OPRM1: variants seen among roughly 807,000 people sequenced by gnomAD.
OPRM1 encodes mu-type opioid receptor.
In OPRM1, 27 loss-of-function variants were observed where a neutral mutation model predicts 31.8. That is an observed-to-expected ratio of 0.85 (90% confidence interval 0.63 to 1.17). The LOEUF (loss-of-function observed/expected upper bound fraction) is 1.17, where lower values mean the gene tolerates loss of function less well. Ranked by LOEUF, OPRM1 falls within the 50% of genes most tolerant of loss-of-function variation. The pLI, the probability that OPRM1 is intolerant of heterozygous loss-of-function variation, is 0.00. For missense variants in OPRM1, 536 were observed against 511.1 expected (o/e 1.05, Z -0.47); for synonymous variants, 196 against 189.9 (o/e 1.03, Z -0.26).
chr6:154,028,604 T>C (rs924128446), intron 1 of OPRM1, among the ~76,000 whole-genome samples: 1 of 152,146 alleles, frequency 6.6e-6, no homozygotes, highest in Non-Finnish European at 1.5e-5. Flanking sequence ...TAGCCCACAG[T>C]GGTGAGGCTT....
chr6:154,116,754 C>G (rs964501635), intron 3 of OPRM1, among the ~76,000 whole-genome samples: 14 of 152,078 alleles, frequency 9.2e-5, no homozygotes, highest in African/African-American at 3.4e-4. Context: ...CATGAGACAG[C>G]CTTGGTTCTG....
chr6:154,015,240 T>C (rs577229585), intron 1 of OPRM1, among the ~76,000 whole-genome samples: 67 of 152,098 alleles, frequency 4.4e-4, no homozygotes, highest in Admixed American at 8.5e-4. Context: ...GTCTTATTTG[T>C]TATTAAAATC....
intron 3 of OPRM1, chr6:154,107,413 G>A (rs186430750): frequency 2.2e-5 from 16 of 715,996 alleles, no homozygotes; most frequent in African/African-American, 8.8e-5. Flanking sequence ...CAGAGGAGAA[G>A]AGAATAGACG....
chr6:154,094,369 T>C (rs1792980139), intron 3 of OPRM1: 1 of 486,294 alleles, frequency 2.1e-6, no homozygotes, highest in African/African-American at 2.0e-5. Flanking sequence ...AAGCTTAGAG[T>C]CATACTTACA....
intron 3 of OPRM1, among the ~76,000 whole-genome samples, chr6:154,241,134 G>T (rs998137736): frequency 6.6e-6 from 1 of 151,600 alleles, no homozygotes; most frequent in Non-Finnish European, 1.5e-5. Context: ...TACTCAGGAG[G>T]CTGAGGCAGG....
intron 1 of OPRM1, among the ~76,000 whole-genome samples, chr6:154,083,922 C>A (rs1205713551): frequency 8.5e-6 from 1 of 117,320 alleles, no homozygotes; most frequent in South Asian, 2.8e-4. Context: ...CCAGCCTGGG[C>A]GACAAAGGGA....
At chr6:154,109,828 G>A (rs1378153956) in intron 3 of OPRM1, among the ~76,000 whole-genome samples, 2 of 147,352 alleles carry the variant, frequency 1.4e-5, no homozygotes, top group Non-Finnish European at 3.0e-5. Flanking sequence ...GTGTGTGTGT[G>A]TGTGTTGCAT....
chr6:154,171,677 G>A (rs1271162189), intron 3 of OPRM1, among the ~76,000 whole-genome samples: 1 of 152,180 alleles, frequency 6.6e-6, no homozygotes, highest in East Asian at 1.9e-4. Context: ...ATTGTCATGA[G>A]AGCTGATGCT....
intron 3 of OPRM1, among the ~76,000 whole-genome samples, chr6:154,233,215 C>T (rs1293494020): frequency 2.0e-5 from 3 of 152,104 alleles, no homozygotes; most frequent in African/African-American, 4.8e-5. Flanking sequence ...GTGATCTGCC[C>T]GCCTCAGCCT....
At chr6:154,189,150 G>A (rs1223346371) in intron 3 of OPRM1, among the ~76,000 whole-genome samples, 2 of 152,186 alleles carry the variant, frequency 1.3e-5, no homozygotes, top group African/African-American at 2.4e-5. Context: ...ATAAAGGTAT[G>A]GGTAAAAGAG....
chr6:154,100,300 A>ATATTATTACATATATCAT (rs1562473045), intron 3 of OPRM1, among the ~76,000 whole-genome samples: 2 of 146,512 alleles, frequency 1.4e-5, no homozygotes, highest in Non-Finnish European at 3.0e-5. Flanking sequence ...AATATATATC[A>ATATTATTACATATATCAT]AAAAGTCACA....
chr6:154,023,081 G>T (rs1162799149), intron 1 of OPRM1, among the ~76,000 whole-genome samples: 1 of 152,124 alleles, frequency 6.6e-6, no homozygotes, highest in Non-Finnish European at 1.5e-5. Flanking sequence ...GTCTCTTTCT[G>T]TGAAGAATGT....
chr6:154,191,437 G>T (rs1669205734), intron 3 of OPRM1, among the ~76,000 whole-genome samples: 2 of 152,132 alleles, frequency 1.3e-5, no homozygotes, highest in African/African-American at 4.8e-5. Flanking sequence ...ACTTTGGGAG[G>T]CCGAGGCAGG....
chr6:154,173,332 C>G (rs1016294829), intron 3 of OPRM1, among the ~76,000 whole-genome samples: 2 of 152,086 alleles, frequency 1.3e-5, no homozygotes, highest in Non-Finnish European at 2.9e-5. Context: ...GATGAGTTGA[C>G]AGAAGTAGGC....
Position 154,168,752 on chromosome 6 carries a change from C to A in OPRM1, c.1164+77280C>A, listed in dbSNP as rs1391931435. Among the ~76,000 whole-genome samples, 1 of 151,938 alleles carries A rather than the reference C, an allele frequency of 6.6e-6. No individual in the cohort carries two copies. The highest frequency in any genetic ancestry group is 1.5e-5 in the Non-Finnish European group (1 of 67,974). On this transcript the variant is annotated intron_variant, in intron 3 of 3. Coordinates refer to the OPRM1 transcript ENST00000337049. This position sits in a 1 kb window ranked among gnomAD's most constrained non-coding sequence, Gnocchi z 4.1. ...TCCCAAGTAGCTGGGATTACAGGCA[C>A]CTGCCACCATGCCCGGCTCATTTTT...
Position 154,119,273 on chromosome 6 carries a change from A to G in OPRM1, c.*552A>G, listed in dbSNP as rs1294436948. On this transcript the variant is annotated 3_prime_UTR_variant, in exon 4 of 4. Coordinates refer to ENST00000330432, the MANE Select transcript of OPRM1 (RefSeq NM_000914.5). ...TTTCACCTCCATTTCTTGGTTTTGT[A>G]TTGTTTAAAAAAATAACATCTCTTT... The G allele has an allele frequency of 1.0e-6, 1 of 985,568 alleles. No individual in the cohort carries two copies. The highest frequency in any genetic ancestry group is 4.7e-5 in the South Asian group (1 of 21,282). 61.1% of individuals were successfully genotyped at this position (985,568 alleles called of 1,614,324 possible).
chr6:154,048,262 T>G (rs1781537106), intron 1 of OPRM1, among the ~76,000 whole-genome samples: 1 of 152,208 alleles, frequency 6.6e-6, no homozygotes. Context: ...GCTTCATGTT[T>G]ATCTCTTCTA....
intron 3 of OPRM1, chr6:154,222,825 C>T (rs1158836151): frequency 3.5e-6 from 1 of 288,030 alleles, no homozygotes; most frequent in Non-Finnish European, 6.8e-6. Context: ...TCGGGTGAGT[C>T]CTATTTAACT....
At chr6:154,240,095 T>C (rs1417016812) in intron 3 of OPRM1, among the ~76,000 whole-genome samples, 2 of 152,154 alleles carry the variant, frequency 1.3e-5, no homozygotes, top group African/African-American at 4.8e-5. Flanking sequence ...TCAAATAAAT[T>C]AAAAGCCCAT....
Sources: gnomAD v4.1 joint callset for allele counts (sites outside exome capture counted in the v4.1 genomes callset) on GRCh38, gnomAD v4.1.1 for gene constraint, Gnocchi (gnomAD v3.1) non-coding constraint, MANE v1.5 for transcripts, NCBI Gene and HGNC (gene_info 2026-07-23, HGNC 2026-07-21) for gene names.